The following KHDRBS1 variants were observed in gnomAD, a reference collection of about 807,000 sequenced individuals.
KHDRBS1 encodes KH domain-containing, RNA-binding, signal transduction-associated protein 1.
Under a neutral mutation model 48.4 loss-of-function variants are expected in KHDRBS1, and 7 were observed. The ratio of observed to expected loss-of-function variants is 0.14; its 90% CI spans 0.08 to 0.27. The LOEUF is 0.27. Among genes scored for constraint, KHDRBS1 ranks in the 10% least tolerant of loss-of-function variants. The pLI, the probability that KHDRBS1 is intolerant of heterozygous loss-of-function variation, is 1.00. For synonymous variants in KHDRBS1, 241 were observed against 235.8 expected (o/e 1.02, Z -0.20); for missense variants, 458 against 601.2 (o/e 0.76, Z 2.49).
chr1:32,027,802 C>T (rs927708817), intron 1 of KHDRBS1, among the ~76,000 whole-genome samples: 9 of 152,070 alleles, frequency 5.9e-5, no homozygotes, highest in African/African-American at 2.2e-4. Flanking sequence ...ACAGCTGCAC[C>T]TCTCTAAATA....
At chr1:32,023,102 G>T (rs1638894583) in intron 1 of KHDRBS1, among the ~76,000 whole-genome samples, 2 of 152,026 alleles carry the variant, frequency 1.3e-5, no homozygotes, top group South Asian at 4.1e-4. Context: ...ATGTAGGAGA[G>T]CTGGGAATCA....
rs16834833 is a variant in KHDRBS1, at chr1:32,033,472, T to G, written c.771+138T>G. On this transcript the variant is annotated intron_variant, in intron 4 of 8. Transcript: ENST00000327300. ...ATTCTGCACTTATGTTCATTTTCCTTAGGTAGTTCGTTACTTGCACCTAGT... is the reference window on the plus strand; with the variant it reads ...ATTCTGCACTTATGTTCATTTTCCTGAGGTAGTTCGTTACTTGCACCTAGT... 12,558 of 1,178,354 alleles carry G rather than the reference T, an allele frequency of 0.011. 997 individuals are homozygous for G. The African/African-American group carries it at 0.17, about 16-fold the overall frequency. The allele number at this position is 1,178,354 out of a possible 1,614,324, so 73.0% of individuals were successfully genotyped here. A position where few individuals can be genotyped will look rare whatever the true frequency, so the allele number is the denominator to read the frequency against.
At chr1:32,056,584 A>C (rs1312382778) in intron 10 of KHDRBS1, among the ~76,000 whole-genome samples, 1 of 152,154 alleles carries the variant, frequency 6.6e-6, no homozygotes, top group African/African-American at 2.4e-5. Flanking sequence ...ATACAGAGCT[A>C]ATTATTCCCA....
intron 1 of KHDRBS1, among the ~76,000 whole-genome samples, chr1:32,023,436 A>G (rs1453279095): frequency 1.3e-5 from 2 of 152,220 alleles, no homozygotes; most frequent in Non-Finnish European, 2.9e-5. Context: ...AAAGTGAAAT[A>G]ATAAATACAA....
chr1:32,014,635 C>T (rs897476694), intron 1 of KHDRBS1, among the ~76,000 whole-genome samples: 4 of 152,266 alleles, frequency 2.6e-5, no homozygotes, highest in African/African-American at 7.2e-5. Context: ...GTGCTGAGCT[C>T]CCCGCCCCTT....
intron 4 of KHDRBS1, 21 bp downstream of exon 4, chr1:32,033,355 T>G (rs1461857422): frequency 6.2e-7 from 1 of 1,612,372 alleles, no homozygotes; most frequent in Non-Finnish European, 8.5e-7. Flanking sequence ...CCATATCCTG[T>G]GTCTTCTGAG....
chr1:32,041,115 G>C (rs930382073), intron 8 of KHDRBS1, among the ~76,000 whole-genome samples: 6 of 152,124 alleles, frequency 3.9e-5, no homozygotes, highest in African/African-American at 1.4e-4. Flanking sequence ...CTGATACGAC[G>C]TTGCCACAGT....
rs551108017 is a variant in KHDRBS1 at position 32,014,262 on chromosome 1, C to T, written c.267C>T (p.Pro89=). The stretch of plus-strand genomic sequence containing the variant: ...CAGCGCCGACCCCGCTGCTGCCCCC[C>T]TCGGCCACAGCCTCGGTCAAGATGG... The part of the protein sequence containing the change: ...GGPAPTPLLP[P]SATASVKMEP... Residue 89 remains proline (P), a synonymous_variant, in exon 1 of 9, where the codon CCC becomes CCT. Transcript: ENST00000327300. 14 of 1,543,090 alleles carry T rather than the reference C, an allele frequency of 9.1e-6. No individual in the cohort carries two copies. In the African/African-American group the frequency reaches 1.2e-4, roughly 14 times the overall value.
chr1:32,047,037 G>A (rs1299209042), downstream of KHDRBS1, among the ~76,000 whole-genome samples: 3 of 152,178 alleles, frequency 2.0e-5, no homozygotes, highest in African/African-American at 7.2e-5. Flanking sequence ...TGTGAACTGT[G>A]CTTGGAAAGG....
chr1:32,060,319 C>T (rs1639528791), exon 11 of KHDRBS1: 1 of 152,200 alleles, frequency 6.6e-6, no homozygotes, highest in African/African-American at 2.4e-5. Flanking sequence ...CAGTCAGGAT[C>T]CCTTAAGAGT....
chr1:32,019,134 T>C (rs1472111356), intron 1 of KHDRBS1, among the ~76,000 whole-genome samples: 3 of 152,174 alleles, frequency 2.0e-5, no homozygotes, highest in African/African-American at 7.2e-5. Flanking sequence ...CAGCAACACC[T>C]TTTCTAGGAA....
intron 1 of KHDRBS1, among the ~76,000 whole-genome samples, chr1:32,017,184 G>A (rs912365663): frequency 5.9e-5 from 9 of 152,012 alleles, no homozygotes; most frequent in Admixed American, 3.9e-4. Flanking sequence ...CTTGAAACCG[G>A]GAGTTGGAGG....
chr1:32,029,277 A>G (rs1639035706), intron 1 of KHDRBS1, among the ~76,000 whole-genome samples: 1 of 152,210 alleles, frequency 6.6e-6, no homozygotes, highest in African/African-American at 2.4e-5. Context: ...TCATGGGTGT[A>G]TACTTATCTC....
At chr1:32,033,120 G>T in intron 3 of KHDRBS1, 68 bp from the exon 4 acceptor site, 1 of 1,253,698 alleles carries the variant, frequency 8.0e-7, no homozygotes, top group Non-Finnish European at 1.2e-6. Context: ...CTGTTCCTTT[G>T]GCTTAGAGGT....
intron 10 of KHDRBS1, chr1:32,052,654 C>T (rs1323411053): frequency 6.6e-6 from 1 of 152,138 alleles, no homozygotes; most frequent in Non-Finnish European, 1.5e-5. Flanking sequence ...GTCTCGGCCT[C>T]CCAAAGTGCT....
At chr1:32,023,976 GC>G (rs922023348) in intron 1 of KHDRBS1, among the ~76,000 whole-genome samples, 1 of 152,234 alleles carries the variant, frequency 6.6e-6, no homozygotes, top group African/African-American at 2.4e-5. Flanking sequence ...TAGAGGCCTG[GC>G]GCGGTGGCTC....
chr1:32,038,405 C>A, intron 6 of KHDRBS1, 147 bp from the exon 7 acceptor site: 2 of 760,568 alleles, frequency 2.6e-6, no homozygotes, highest in Non-Finnish European at 4.2e-6. Context: ...TCTCTTTTGA[C>A]TATTCTACAG....
Position 32,014,166 on chromosome 1 carries a change from C to T in KHDRBS1, c.171C>T (p.Ala57=), listed in dbSNP as rs1022548026. The change falls in exon 1 of 9, where the codon GCC becomes GCT. Residue 57 remains alanine (A), a synonymous_variant. Coordinates refer to ENST00000327300, the MANE Select transcript of KHDRBS1 (RefSeq NM_006559.3). ...GGGGATCCCGCGGGGGCGCCCGGGCCTCGCCCGCCACGCAGCCGCCACCGC... is the reference window on the plus strand; with the variant it reads ...GGGGATCCCGCGGGGGCGCCCGGGCTTCGCCCGCCACGCAGCCGCCACCGC... The part of the protein sequence containing the change: ...GGGGSRGGAR[A]SPATQPPPLL... 3 of 1,307,214 alleles carry T rather than the reference C, an allele frequency of 2.3e-6. No homozygotes were observed. Among genetic ancestry groups the T allele is most frequent in the Middle Eastern group, 5.2e-4 (2 of 3,856 alleles). 81.0% of individuals were successfully genotyped at this position (1,307,214 alleles called of 1,614,324 possible).
chr1:32,021,343 AT>A (rs201750110), intron 1 of KHDRBS1, among the ~76,000 whole-genome samples: 1,782 of 152,008 alleles, frequency 0.012, 26 homozygotes, highest in African/African-American at 0.041. Flanking sequence ...ATGAGTTTAT[AT>A]TTTTTTCTGG....
Sources: gnomAD v4.1 joint callset for allele counts (sites outside exome capture counted in the v4.1 genomes callset) on GRCh38, gnomAD v4.1.1 for gene constraint, MANE v1.5 for transcripts, NCBI Gene and HGNC (gene_info 2026-07-23, HGNC 2026-07-21) for gene names.